The following KDM4C variants were observed in gnomAD, a reference collection of about 807,000 sequenced individuals.
KDM4C encodes the protein lysine demethylase 4C, also known as lysine-specific demethylase 4C.
KDM4C carries 81 observed loss-of-function variants against 129.3 expected under a neutral mutation model. The ratio of observed to expected loss-of-function variants is 0.63; its 90% CI spans 0.52 to 0.75. The LOEUF is 0.75. Ranked by LOEUF, KDM4C falls within the 30% of genes least tolerant of loss-of-function variation. The probability of loss-of-function intolerance (pLI) is 0.00; values close to 1 mark genes in which losing one functional copy is unlikely to be tolerated. For synonymous variants in KDM4C, 573 were observed against 456.1 expected (o/e 1.26, Z -3.26); for missense variants, 1,457 against 1,304.0 (o/e 1.12, Z -1.81).
In KDM4C at chr9:6,917,016, T is replaced by C. The variant is rs146107790; in HGVS notation, c.921+23784T>C. On this transcript the variant is annotated intron_variant, in intron 8 of 21. Transcript: ENST00000381309. The stretch of plus-strand genomic sequence containing the variant: ...ATTCATATTCCACCCACGAAGATTG[T>C]TGAGGTCATTCTGTTTTTTTTGTTG... Among the ~76,000 whole-genome samples, 961 of 152,346 alleles carry C rather than the reference T, an allele frequency of 6.3e-3. 11 individuals are homozygous for C. The highest frequency in any genetic ancestry group is 0.022 in the African/African-American group (904 of 41,576).
At chr9:6,913,636 C>T (rs1353852184) in intron 8 of KDM4C, among the ~76,000 whole-genome samples, 2 of 152,194 alleles carry the variant, frequency 1.3e-5, no homozygotes, top group Non-Finnish European at 2.9e-5. Flanking sequence ...CAAGGGGAGT[C>T]ATTTCAGTGA....
At chr9:6,831,812 G>A (rs942012110) in intron 4 of KDM4C, among the ~76,000 whole-genome samples, 12 of 152,134 alleles carry the variant, frequency 7.9e-5, no homozygotes, top group Admixed American at 4.6e-4. Flanking sequence ...AGTGATGACC[G>A]CTGACCTTTC....
intron 4 of KDM4C, among the ~76,000 whole-genome samples, chr9:6,831,584 C>T (rs1017727905): frequency 6.6e-6 from 1 of 152,110 alleles, no homozygotes; most frequent in African/African-American, 2.4e-5. Context: ...CTCAGGTAAT[C>T]CAGCCAACTC....
chr9:6,857,451 G>A (rs934451123), intron 5 of KDM4C, among the ~76,000 whole-genome samples: 1 of 152,118 alleles, frequency 6.6e-6, no homozygotes, highest in Non-Finnish European at 1.5e-5. Context: ...TTGATCAAGT[G>A]GATCACATAC....
chr9:7,168,003 G>A (rs1342253687), intron 20 of KDM4C, among the ~76,000 whole-genome samples: 2 of 152,076 alleles, frequency 1.3e-5, no homozygotes, highest in African/African-American at 2.4e-5. Flanking sequence ...CCAACGTGGT[G>A]CAACCCCGTC....
chr9:7,058,271 C>T (rs916347587), intron 17 of KDM4C, among the ~76,000 whole-genome samples: 3 of 59,406 alleles, frequency 5.0e-5, no homozygotes, highest in Non-Finnish European at 1.0e-4. Context: ...CATACTGTTT[C>T]CAACCCTTTT....
intron 15 of KDM4C, among the ~76,000 whole-genome samples, chr9:7,016,273 A>G (rs912843230): frequency 2.2e-4 from 33 of 151,518 alleles, no homozygotes; most frequent in Middle Eastern, 3.4e-3. Context: ...GACTACAGGC[A>G]CCCGCCACCA....
chr9:7,014,451 G>A (rs1275892931), intron 14 of KDM4C: 1 of 155,400 alleles, frequency 6.4e-6, no homozygotes, highest in Non-Finnish European at 1.4e-5. Flanking sequence ...GTGAGGATAG[G>A]AATCTCTATT....
chr9:6,847,985 G>T (rs1354308153), intron 4 of KDM4C, among the ~76,000 whole-genome samples: 1 of 152,198 alleles, frequency 6.6e-6, no homozygotes. Context: ...GTTAGAAGTG[G>T]TTGTATGTGA....
chr9:6,861,793 C>A (rs960036238), intron 5 of KDM4C, among the ~76,000 whole-genome samples: 1 of 144,168 alleles, frequency 6.9e-6, no homozygotes, highest in Non-Finnish European at 1.5e-5. Flanking sequence ...TTTTTTTTCT[C>A]GAGATGGAGT....
intron 17 of KDM4C, among the ~76,000 whole-genome samples, chr9:7,093,821 C>G (rs1213255098): frequency 6.6e-6 from 1 of 152,144 alleles, no homozygotes; most frequent in Non-Finnish European, 1.5e-5. Flanking sequence ...GAAACTGTCT[C>G]TGGATCTGAA....
intron 12 of KDM4C, among the ~76,000 whole-genome samples, chr9:7,003,445 T>C (rs956056713): frequency 5.9e-5 from 9 of 152,148 alleles, no homozygotes; most frequent in Non-Finnish European, 1.2e-4. Context: ...TTTTTTTTTT[T>C]TGGTAATAGG....
chr9:6,889,211 T>TTG (rs34443147), intron 7 of KDM4C, among the ~76,000 whole-genome samples: 16,284 of 61,410 alleles, frequency 0.27, 2,731 homozygotes, highest in Non-Finnish European at 0.33. Context: ...GGCCTTCTTT[T>TTG]TGTGTGTGTG....
Position 7,011,718 on chromosome 9 carries a change from A to T in KDM4C, c.1807A>T (p.Ile603Phe), listed in dbSNP as rs760432212. 68 of 1,614,094 alleles carry T rather than the reference A, an allele frequency of 4.2e-5. 1 individual carries two copies. The East Asian group carries it at 1.4e-3, about 33-fold the overall frequency. The change falls in exon 13 of 22, where the codon ATT (isoleucine) becomes TTT (phenylalanine). Residue 603 changes from isoleucine to phenylalanine, a missense_variant. Transcript: ENST00000381309. ...TTAAGAATTGCCTGAGGTTCTGTCC[A>T]TTGAGGAGGAAGTGGAAGAAACAGA... ...SDEELPEVLS[I>F]EEEVEETESW... is the part of the protein sequence containing the mutation.
At chr9:6,834,339 A>G in intron 4 of KDM4C, 1 of 299,046 alleles carries the variant, frequency 3.3e-6, no homozygotes, top group Non-Finnish European at 6.6e-6. Flanking sequence ...TCTGGCCGAT[A>G]GTCTCTTTGT....
intron 8 of KDM4C, among the ~76,000 whole-genome samples, chr9:6,919,271 C>CTTTCTTTCTTTCTTTCTTTCTT (rs1820975189): frequency 1.2e-5 from 1 of 85,894 alleles, no homozygotes; most frequent in African/African-American, 4.3e-5. Flanking sequence ...TTCTTTCTTT[C>CTTTCTTTCTTTCTTTCTTTCTT]TGTCTCTCTC....
At chr9:6,950,448 A>G (rs539518241) in intron 8 of KDM4C, among the ~76,000 whole-genome samples, 1 of 152,232 alleles carries the variant, frequency 6.6e-6, no homozygotes, top group Non-Finnish European at 1.5e-5. Context: ...TCATCCATAC[A>G]GATTTTAGAG....
chr9:6,939,980 T>TA (rs1825589351), intron 8 of KDM4C, among the ~76,000 whole-genome samples: 18 of 82,806 alleles, frequency 2.2e-4, no homozygotes, highest in South Asian at 8.2e-4. Context: ...CTACCTACCT[T>TA]CCTTCCTTCC....
At chr9:7,074,162 A>G (rs1379573127) in intron 17 of KDM4C, among the ~76,000 whole-genome samples, 1 of 151,940 alleles carries the variant, frequency 6.6e-6, no homozygotes, top group Non-Finnish European at 1.5e-5. Context: ...GTGCTGAGCA[A>G]ATTTTTTTTT....
Sources: allele counts gnomAD v4.1 joint callset (sites outside exome capture counted in the v4.1 genomes callset), GRCh38; gene constraint gnomAD v4.1.1; transcripts MANE v1.5; gene names NCBI Gene and HGNC (gene_info 2026-07-23, HGNC 2026-07-21).